Variants in SAMSN1 observed in about 807,000 individuals in gnomAD.
SAMSN1 encodes the protein SAM domain, SH3 domain and nuclear localization signals 1.
A neutral mutation model predicts 42.0 loss-of-function variants in SAMSN1; 31 were observed. The ratio of observed to expected loss-of-function variants is 0.74; its 90% CI spans 0.55 to 1.00. The LOEUF is 1.00. Ranked by LOEUF, SAMSN1 falls within the 50% of genes least tolerant of loss-of-function variation. The probability of loss-of-function intolerance (pLI) is 0.00; values close to 1 mark genes in which losing one functional copy is unlikely to be tolerated. For missense variants in SAMSN1, 464 were observed against 439.4 expected, an observed-to-expected ratio of 1.06 and a Z score of -0.50; for synonymous variants, 178 against 151.9, an observed-to-expected ratio of 1.17 and a Z score of -1.26.
chr21:14,581,549 C>T (rs1194909466), intron 2 of SAMSN1, among the ~76,000 whole-genome samples: 1 of 150,466 alleles, frequency 6.6e-6, no homozygotes, highest in Non-Finnish European at 1.5e-5. Flanking sequence ...TTAGTAGAGA[C>T]GGGGTTTCAC....
intron 2 of SAMSN1, among the ~76,000 whole-genome samples, chr21:14,520,905 A>G (rs1490036600): frequency 6.6e-6 from 1 of 150,498 alleles, no homozygotes; most frequent in Admixed American, 6.6e-5. Flanking sequence ...CACCCGATAT[A>G]CCCTGCCCTA....
At chr21:14,548,439 A>T (rs1484318260), upstream of SAMSN1, among the ~76,000 whole-genome samples, 5 of 152,200 alleles carry the variant, frequency 3.3e-5, no homozygotes, top group Non-Finnish European at 5.9e-5. Flanking sequence ...AGTCACATTT[A>T]TGAGACCCAT....
At chr21:14,552,043 T>C (rs1306834635) in intron 2 of SAMSN1, among the ~76,000 whole-genome samples, 1 of 151,902 alleles carries the variant, frequency 6.6e-6, no homozygotes, top group African/African-American at 2.4e-5. Flanking sequence ...GAAAAGAGAG[T>C]TGGTTCAATC....
At chr21:14,635,549 C>A (rs1319765766) in intron 2 of SAMSN1, among the ~76,000 whole-genome samples, 2 of 152,106 alleles carry the variant, frequency 1.3e-5, no homozygotes, top group African/African-American at 4.8e-5. Flanking sequence ...AACAGTAAAT[C>A]CTGTTGCTTC....
intron 7 of SAMSN1, chr21:14,593,994 C>T (rs1568823769): frequency 4.2e-6 from 3 of 715,282 alleles, no homozygotes; most frequent in Non-Finnish European, 7.8e-6. Context: ...ATAGTTACAT[C>T]TGGGAAGAAA....
rs191482236 is a variant in SAMSN1, at chr21:14,485,757, A to G, written c.*155T>C. On this transcript the variant is annotated 3_prime_UTR_variant, in exon 8 of 8. Coordinates refer to ENST00000400566, the MANE Select transcript of SAMSN1 (RefSeq NM_022136.5). ...TTGACAGTAATTTGGAATGTTAGAG[A>G]TACAAAATTTTATGTACAATTATTC... is the stretch of plus-strand genomic sequence containing the variant. 10 of 569,314 alleles carry G rather than the reference A, an allele frequency of 1.8e-5. No homozygotes were observed. The highest frequency in any genetic ancestry group is 6.1e-5 in the Admixed American group (2 of 32,594). 35.3% of individuals were successfully genotyped at this position (569,314 alleles called of 1,614,324 possible).
chr21:14,537,374 A>AT (rs1481161432), intron 1 of SAMSN1, among the ~76,000 whole-genome samples: 2 of 148,316 alleles, frequency 1.3e-5, no homozygotes, highest in African/African-American at 5.3e-5. Context: ...CTTTTCTGTT[A>AT]ATTTTTTTTT....
chr21:14,653,187 A>G (rs1983862904), intron 1 of SAMSN1, among the ~76,000 whole-genome samples: 1 of 152,008 alleles, frequency 6.6e-6, no homozygotes, highest in Non-Finnish European at 1.5e-5. Context: ...ACTGCTGGGT[A>G]TATACTTCCC....
intron 1 of SAMSN1, among the ~76,000 whole-genome samples, chr21:14,650,516 A>G (rs1278719380): frequency 6.6e-6 from 1 of 152,078 alleles, no homozygotes; most frequent in Non-Finnish European, 1.5e-5. Context: ...ACCAAAACCT[A>G]TGGGATACAC....
intron 4 of SAMSN1, chr21:14,612,556 C>A: frequency 2.1e-6 from 1 of 478,496 alleles, no homozygotes. Flanking sequence ...CTAAAATGAT[C>A]TCTAACAAGT....
At chr21:14,617,208 A>T (rs1242173952) in intron 2 of SAMSN1, among the ~76,000 whole-genome samples, 1 of 152,104 alleles carries the variant, frequency 6.6e-6, no homozygotes, top group Non-Finnish European at 1.5e-5. Flanking sequence ...ATTAAGCCCT[A>T]ATGTGAGTGA....
intron 2 of SAMSN1, among the ~76,000 whole-genome samples, chr21:14,621,905 G>C (rs1048798992): frequency 1.3e-5 from 2 of 152,198 alleles, no homozygotes; most frequent in Non-Finnish European, 2.9e-5. Context: ...CCACATGGCT[G>C]GGTACCCCTC....
At chr21:14,609,129 C>T (rs1339159255) in intron 5 of SAMSN1, among the ~76,000 whole-genome samples, 1 of 151,934 alleles carries the variant, frequency 6.6e-6, no homozygotes, top group African/African-American at 2.4e-5. Context: ...TCAATGTTAT[C>T]TTTAGAGAGT....
At chr21:14,624,385 C>G (rs1188614701) in intron 2 of SAMSN1, among the ~76,000 whole-genome samples, 1 of 151,636 alleles carries the variant, frequency 6.6e-6, no homozygotes, top group Non-Finnish European at 1.5e-5. Flanking sequence ...GGTAGCAAGA[C>G]TAATAAAGAA....
chr21:14,527,579 A>T (rs1387157235), intron 1 of SAMSN1, among the ~76,000 whole-genome samples: 1 of 152,174 alleles, frequency 6.6e-6, no homozygotes, highest in Non-Finnish European at 1.5e-5. Flanking sequence ...TGGTTCAGTA[A>T]CTTTTCTATC....
intron 1 of SAMSN1, among the ~76,000 whole-genome samples, chr21:14,528,083 G>A (rs1978995252): frequency 6.6e-6 from 1 of 152,072 alleles, no homozygotes; most frequent in South Asian, 2.1e-4. Context: ...GATGGCCGAA[G>A]AATTGGTATA....
chr21:14,565,286 C>CAA (rs71330076), intron 2 of SAMSN1, among the ~76,000 whole-genome samples: 2,002 of 109,510 alleles, frequency 0.018, 24 homozygotes, highest in Non-Finnish European at 0.027. Context: ...AGACTCTATC[C>CAA]AAAAAAAAAA....
chr21:14,508,126 C>T (rs1165056034), intron 5 of SAMSN1, among the ~76,000 whole-genome samples: 1 of 152,158 alleles, frequency 6.6e-6, no homozygotes, highest in Non-Finnish European at 1.5e-5. Context: ...ATTGGAAAAA[C>T]CTTTCTAGAC....
intron 2 of SAMSN1, among the ~76,000 whole-genome samples, chr21:14,554,686 T>C (rs954244871): frequency 2.1e-5 from 3 of 144,952 alleles, no homozygotes; most frequent in Non-Finnish European, 4.5e-5. Flanking sequence ...TTAAGTCTTT[T>C]GTTTTCTTTT....
Sources: gnomAD v4.1 joint callset for allele counts (sites outside exome capture counted in the v4.1 genomes callset) on GRCh38, gnomAD v4.1.1 for gene constraint, MANE v1.5 for transcripts, NCBI Gene and HGNC (gene_info 2026-07-23, HGNC 2026-07-21) for gene names.